The following ACYP2 variants were observed in gnomAD, a reference collection of about 807,000 sequenced individuals.
ACYP2 encodes acylphosphatase 2, also known as acylphosphatase-2.
ACYP2 carries 12 observed loss-of-function variants against 11.2 expected under a neutral mutation model. The ratio of observed to expected loss-of-function variants is 1.08; its 90% CI spans 0.69 to 1.74. The LOEUF is 1.74. Among genes scored for constraint, ACYP2 ranks in the 40% most tolerant of loss-of-function variants. The pLI, the probability that ACYP2 is intolerant of heterozygous loss-of-function variation, is 0.00. For missense variants in ACYP2, 134 were observed against 101.9 expected, an observed-to-expected ratio of 1.31 and a Z score of -1.35; for synonymous variants, 43 against 32.2, an observed-to-expected ratio of 1.33 and a Z score of -1.13.
intron 4 of ACYP2, among the ~76,000 whole-genome samples, chr2:54,113,057 T>C (rs1679538089): frequency 6.6e-6 from 1 of 152,178 alleles, no homozygotes; most frequent in Non-Finnish European, 1.5e-5. Context: ...GGAATCCCCT[T>C]GGATATAAAA....
At chr2:54,150,653 C>A (rs922012914) in intron 6 of ACYP2, among the ~76,000 whole-genome samples, 1 of 152,110 alleles carries the variant, frequency 6.6e-6, no homozygotes. Context: ...AATTCCTGAC[C>A]TGGGGTGATC....
At chr2:54,240,482 T>C (rs756205314) in intron 6 of ACYP2, among the ~76,000 whole-genome samples, 29 of 152,180 alleles carry the variant, frequency 1.9e-4, no homozygotes, top group Non-Finnish European at 3.5e-4. Flanking sequence ...GTGTTTCTTT[T>C]TCTAATAACT....
chr2:54,123,133 C>A (rs1258109285), intron 4 of ACYP2: 1 of 379,410 alleles, frequency 2.6e-6, no homozygotes, highest in African/African-American at 2.1e-5. Context: ...AGATGAGTCA[C>A]TGCATGTCCC....
chr2:54,207,268 G>C (rs191330916), intron 6 of ACYP2, among the ~76,000 whole-genome samples: 1 of 151,186 alleles, frequency 6.6e-6, no homozygotes, highest in East Asian at 2.0e-4. Flanking sequence ...GGAATTTGTA[G>C]GGAAGGCTGG....
chr2:54,220,042 A>G (rs967476426), intron 6 of ACYP2, among the ~76,000 whole-genome samples: 4 of 151,256 alleles, frequency 2.6e-5, no homozygotes, highest in Non-Finnish European at 5.9e-5. Context: ...TGCCTGGCCA[A>G]GTTCAAAACA....
chr2:53,971,660 A>G (rs1671128247), intron 1 of ACYP2, among the ~76,000 whole-genome samples: 1 of 152,200 alleles, frequency 6.6e-6, no homozygotes, highest in African/African-American at 2.4e-5. Flanking sequence ...TTACAAGATA[A>G]TGCTCTTAAT....
intron 6 of ACYP2, among the ~76,000 whole-genome samples, chr2:54,232,187 G>T (rs1023558216): frequency 6.6e-6 from 1 of 152,144 alleles, no homozygotes; most frequent in Non-Finnish European, 1.5e-5. Context: ...CTATCTCTGT[G>T]ATTCTTTTCA....
rs1247828868 is a variant in ACYP2 at position 54,057,368 on chromosome 2, T to G, written c.277+8T>G. 1.0e-5 allele frequency: 4 copies of G among 397,664 alleles called. No individual in the cohort carries two copies. The highest frequency in any genetic ancestry group is 1.8e-5 in the Non-Finnish European group (4 of 225,516). The allele number at this position is 397,664 out of a possible 1,614,324, so 24.6% of individuals were successfully genotyped here. ...AATCAACAATTTGCTTAAGTAAGTC[T>G]TCAAAATAAATACTGATTTTAATGA... On this transcript the variant is annotated splice_region_variant and intron_variant, in intron 4 of 6. Coordinates refer to ENST00000607452, the MANE Select transcript of ACYP2 (RefSeq NM_001320586.2).
At chr2:54,295,134 G>A (rs533111217) in intron 6 of ACYP2, among the ~76,000 whole-genome samples, 11 of 152,044 alleles carry the variant, frequency 7.2e-5, no homozygotes, top group Non-Finnish European at 1.2e-4. Flanking sequence ...GAATTACCCC[G>A]AATTCTGGGT....
intron 4 of ACYP2, among the ~76,000 whole-genome samples, chr2:54,130,081 A>T (rs1179412412): frequency 6.6e-6 from 1 of 152,114 alleles, no homozygotes; most frequent in African/African-American, 2.4e-5. Flanking sequence ...AAGACAGAAA[A>T]ATTCCTGTTC....
At chr2:54,087,537 G>A (rs1678005508) in intron 4 of ACYP2, among the ~76,000 whole-genome samples, 1 of 152,092 alleles carries the variant, frequency 6.6e-6, no homozygotes, top group Non-Finnish European at 1.5e-5. Context: ...TTTTTGTAGA[G>A]ATGGGGTTTC....
At chr2:54,014,012 G>A (rs1573520484) in intron 2 of ACYP2, among the ~76,000 whole-genome samples, 1 of 152,022 alleles carries the variant, frequency 6.6e-6, no homozygotes, top group South Asian at 2.1e-4. Flanking sequence ...ACAAACATTA[G>A]CCGGGAGTGG....
chr2:54,148,294 G>A (rs937682784), intron 6 of ACYP2, among the ~76,000 whole-genome samples: 6 of 150,250 alleles, frequency 4.0e-5, no homozygotes, highest in Non-Finnish European at 8.8e-5. Flanking sequence ...GATGGGGATG[G>A]GTGTATACTA....
intron 6 of ACYP2, among the ~76,000 whole-genome samples, chr2:54,269,799 CATT>C (rs1463118681): frequency 2.0e-5 from 3 of 152,140 alleles, no homozygotes; most frequent in Admixed American, 6.5e-5. Context: ...ATAGAAAAGC[CATT>C]ATTCCACTAT....
intron 6 of ACYP2, among the ~76,000 whole-genome samples, chr2:54,189,155 A>G (rs908845901): frequency 3.3e-5 from 5 of 152,228 alleles, no homozygotes; most frequent in African/African-American, 4.8e-5. Flanking sequence ...ATCATCTCAC[A>G]GTTGACCATT....
At chr2:54,299,659 G>A (rs1689649443) in intron 6 of ACYP2, among the ~76,000 whole-genome samples, 1 of 151,438 alleles carries the variant, frequency 6.6e-6, no homozygotes, top group Non-Finnish European at 1.5e-5. Flanking sequence ...TAGGGCAAAA[G>A]AGAAATCCAT....
At position 54,146,803 on chromosome 2, in the gene ACYP2, T is replaced by C. The variant is rs1681914108; in HGVS notation, c.404+8055T>C. 3.3e-5 allele frequency among the ~76,000 whole-genome samples: 5 copies of C among 151,982 alleles called. No homozygotes were observed. In the South Asian group the frequency reaches 1.0e-3, roughly 31 times the overall value. On this transcript the variant is annotated intron_variant, in intron 6 of 6. Coordinates refer to ENST00000607452, the MANE Select transcript of ACYP2 (RefSeq NM_001320586.2). ...CTTCTGATTTTTGCATTGTCTCTTT[T>C]TTTTTTTTTGAGACAGAGTCTTGCT...
intron 2 of ACYP2, among the ~76,000 whole-genome samples, chr2:54,043,323 C>A (rs1429289899): frequency 6.6e-6 from 1 of 152,114 alleles, no homozygotes; most frequent in Non-Finnish European, 1.5e-5. Flanking sequence ...TCAACAGGGG[C>A]AGGACCACTT....
intron 2 of ACYP2, among the ~76,000 whole-genome samples, chr2:53,993,701 G>GA (rs74825343): frequency 5.3e-4 from 75 of 141,848 alleles, no homozygotes; most frequent in African/African-American, 1.1e-3. Context: ...AAAAAAGGAT[G>GA]AAAAAAAAAA....
Sources: gnomAD v4.1 joint callset for allele counts (sites outside exome capture counted in the v4.1 genomes callset) on GRCh38, gnomAD v4.1.1 for gene constraint, MANE v1.5 for transcripts, NCBI Gene and HGNC (gene_info 2026-07-23, HGNC 2026-07-21) for gene names.